Variants in CHAC2 observed in about 807,000 individuals in gnomAD.
CHAC2 encodes the protein ChaC glutathione specific gamma-glutamylcyclotransferase 2.
Under a neutral mutation model 16.9 loss-of-function variants are expected in CHAC2, and 20 were observed. That is an observed-to-expected ratio of 1.18 (90% CI 0.83 to 1.72). CHAC2 has a LOEUF of 1.72. Ranked by LOEUF, CHAC2 falls within the 40% of genes most tolerant of loss-of-function variation. The probability of loss-of-function intolerance (pLI) is 0.00; values close to 1 mark genes in which losing one functional copy is unlikely to be tolerated. For synonymous variants in CHAC2, 91 were observed against 77.3 expected (o/e 1.18, Z -0.93); for missense variants, 269 against 222.2 (o/e 1.21, Z -1.34).
At chr2:53,771,975 T>C in intron 2 of CHAC2, 33 bp downstream of exon 2, 1 of 1,201,434 alleles carries the variant, frequency 8.3e-7, no homozygotes, top group Non-Finnish European at 1.2e-6. Flanking sequence ...TGTATAATTT[T>C]AATTTTATAA....
In CHAC2 at chr2:53,774,149, T is replaced by C; in HGVS notation, c.179T>C (p.Val60Ala). The change falls in exon 3 of 3, where the codon GTA becomes GCA. Residue 60 changes from valine (V) to alanine (A), a missense_variant. Transcript: ENST00000295304. Reference protein sequence around the residue: ...VTLVEDPAGCVWGVAYRLPVG... With the variant: ...VTLVEDPAGCAWGVAYRLPVG... Reference sequence around the variant, plus strand: ...CTTTTCATTTTTCAACAGGGATGTGTATGGGGTGTTGCTTACAGATTGCCA... The same window carrying C: ...CTTTTCATTTTTCAACAGGGATGTGCATGGGGTGTTGCTTACAGATTGCCA... 1 of 1,603,716 alleles carries C rather than the reference T, an allele frequency of 6.2e-7. No individual in the cohort carries two copies. Among genetic ancestry groups the C allele is most frequent in the Non-Finnish European group, 8.5e-7 (1 of 1,175,974 alleles).
chr2:53,773,292 AT>A (rs1319312066), intron 2 of CHAC2, among the ~76,000 whole-genome samples: 4 of 150,314 alleles, frequency 2.7e-5, no homozygotes, highest in South Asian at 2.1e-4. Flanking sequence ...TTAAAAAAAA[AT>A]TTTTTTAAGA....
chr2:53,771,810 A>G (rs1673932359), intron 1 of CHAC2, 97 bp from the exon 2 acceptor site: 1 of 757,426 alleles, frequency 1.3e-6, no homozygotes, highest in South Asian at 1.5e-5. Context: ...ATGAGCAAAT[A>G]TAATTCAAAT....
intron 1 of CHAC2, among the ~76,000 whole-genome samples, chr2:53,769,800 C>T (rs1218730294): frequency 6.6e-6 from 1 of 152,178 alleles, no homozygotes; most frequent in Non-Finnish European, 1.5e-5. Flanking sequence ...TGAGATTGCG[C>T]CACTGCACTC....
At position 53,774,204 on chromosome 2, in the gene CHAC2, C is replaced by A. The variant is rs748112762; in HGVS notation, c.234C>A (p.Tyr78Ter). 4.3e-6 allele frequency: 7 copies of A among 1,613,846 alleles called. No individual in the cohort carries two copies. Among genetic ancestry groups the A allele is most frequent in the Admixed American group, 1.7e-5 (1 of 59,970 alleles). ...GAAAGGAAGAAGAAGTAAAAGCATA[C>A]CTTGACTTCAGAGAAAAAGGAGGCT... Reference protein sequence around the residue: ...PVGKEEEVKAYLDFREKGGYR... With the variant: ...PVGKEEEVKA The change falls in exon 3 of 3, where the codon TAC becomes TAA. Residue 78 changes from tyrosine to a stop codon, truncating the protein, a stop_gained. Coordinates refer to ENST00000295304, the MANE Select transcript of CHAC2 (RefSeq NM_001008708.4). LOFTEE classifies it high-confidence loss of function.
At chr2:53,773,480 G>T (rs1395641771) in intron 2 of CHAC2, among the ~76,000 whole-genome samples, 2 of 152,034 alleles carry the variant, frequency 1.3e-5, no homozygotes, top group African/African-American at 4.8e-5. Context: ...ACCCAGGCTT[G>T]AGTTCAGTGG....
At position 53,767,837 on chromosome 2, in the gene CHAC2, G is replaced by A. The variant is rs374912087; in HGVS notation, c.-50G>A. On this transcript the variant is annotated 5_prime_UTR_variant, in exon 1 of 3. Transcript: ENST00000295304. ...ACCGGAGGCTTCAGTCCCCGGCGGC[G>A]CGGCGACAGCTAGGGTTCACGGCCA... 6 of 1,559,488 alleles carry A rather than the reference G, an allele frequency of 3.8e-6. No homozygotes were observed. The highest frequency in any genetic ancestry group is 4.3e-6 in the Non-Finnish European group (5 of 1,149,626).
chr2:53,774,304 A>C lies in CHAC2; in HGVS notation c.334A>C (p.Thr112Pro), dbSNP rs748818573. The change falls in exon 3 of 3, where the codon ACA (threonine) becomes CCA (proline). Residue 112 changes from threonine (T) to proline (P), a missense_variant. Coordinates refer to ENST00000295304, the MANE Select transcript of CHAC2 (RefSeq NM_001008708.4). Reference protein sequence around the residue: ...KPFSVLLYIGTCDNPDYLGPA... With the variant: ...KPFSVLLYIGPCDNPDYLGPA... Reference sequence around the variant, plus strand: ...ATTCAGTGTATTGCTATATATTGGAACATGTGATAATCCTGATTATCTTGG... The same window carrying C: ...ATTCAGTGTATTGCTATATATTGGACCATGTGATAATCCTGATTATCTTGG... 5.6e-5 allele frequency: 91 copies of C among 1,613,902 alleles called. No individual in the cohort carries two copies. The highest frequency in any genetic ancestry group is 6.7e-5 in the Non-Finnish European group (79 of 1,179,992).
In CHAC2 at chr2:53,774,508, A is replaced by C. The variant is rs149485270; in HGVS notation, c.538A>C (p.Asn180His). ...AAAGGAACGTTTAGAAGGGAAACAG[A>C]ACCTCAATTGCATATAATTTAGTCT... ...LVKERLEGKQNLNCI is the reference protein window; with the variant it reads ...LVKERLEGKQHLNCI Residue 180 changes from asparagine to histidine, a missense_variant, in exon 3 of 3, where the codon AAC becomes CAC. Asn to His is a moderately conservative substitution (Grantham distance 68). Coordinates refer to ENST00000295304, the MANE Select transcript of CHAC2 (RefSeq NM_001008708.4). 9.0e-6 allele frequency: 14 copies of C among 1,552,096 alleles called. No individual in the cohort carries two copies. Among genetic ancestry groups the C allele is most frequent in the Non-Finnish European group, 1.2e-5 (14 of 1,154,638 alleles).
At chr2:53,768,129 C>T in intron 1 of CHAC2, 108 bp downstream of exon 1, 1 of 1,284,080 alleles carries the variant, frequency 7.8e-7, no homozygotes. Flanking sequence ...CTTCATGGGG[C>T]CAAAGCACAT....
Position 53,774,516 on chromosome 2 carries a change from T to A in CHAC2, c.546T>A (p.Asn182Lys), listed in dbSNP as rs371086113. 2 of 1,536,202 alleles carry A rather than the reference T, an allele frequency of 1.3e-6. No individual in the cohort carries two copies. The highest frequency in any genetic ancestry group is 1.3e-5 in the South Asian group (1 of 76,208). ...KERLEGKQNL[N>K]CI ...GTTTAGAAGGGAAACAGAACCTCAATTGCATATAATTTAGTCTTCAGAGAA... is the reference window on the plus strand; with the variant it reads ...GTTTAGAAGGGAAACAGAACCTCAAATGCATATAATTTAGTCTTCAGAGAA... The change falls in exon 3 of 3, where the codon AAT becomes AAA. Residue 182 changes from asparagine (N) to lysine (K), a missense_variant. Transcript: ENST00000295304.
Position 53,771,935 on chromosome 2 carries a change from A to AG in CHAC2, c.164_165insG (p.Asp55GlufsTer26), listed in dbSNP as rs1476261807. The AG allele has an allele frequency of 2.6e-6, 4 of 1,549,160 alleles. No homozygotes were observed. In the African/African-American group the frequency reaches 5.5e-5, roughly 21 times the overall value. On this transcript the variant is annotated frameshift_variant, in exon 2 of 3. Transcript: ENST00000295304. LOFTEE classifies it high-confidence loss of function. Reference sequence around the variant, plus strand: ...GGAAGAGTTGTGACTCTTGTTGAAGATCCTGCGGTATGGTATAAATATTCT... The same window carrying AG: ...GGAAGAGTTGTGACTCTTGTTGAAGAGTCCTGCGGTATGGTATAAATATTCT...
chr2:53,768,009 G>C lies in CHAC2; in HGVS notation c.123G>C (p.Gly41=), dbSNP rs577589136. ...RFWQGSTDHR[G]VPGKPGRVVT... is the part of the protein sequence containing the mutation. ...GGCAGGGCAGCACGGACCACCGCGG[G>C]GTCCCCGGCAAGGTGAGGCGCCGGT... The change falls in exon 1 of 3, where the codon GGG becomes GGC. Residue 41 remains glycine, a synonymous_variant. Coordinates refer to ENST00000295304, the MANE Select transcript of CHAC2 (RefSeq NM_001008708.4). 1.2e-6 allele frequency: 2 copies of C among 1,613,560 alleles called. No homozygotes were observed. Among genetic ancestry groups the C allele is most frequent in the South Asian group, 2.2e-5 (2 of 91,074 alleles).
rs1674241977 is a variant in CHAC2 at position 53,775,146 on chromosome 2, G to T, written c.*621G>T. The T allele has an allele frequency of 6.6e-6, 1 of 152,390 alleles. No homozygotes were observed. The allele number at this position is 152,390 out of a possible 1,614,324, so 9.4% of individuals were successfully genotyped here. A position where few individuals can be genotyped will look rare whatever the true frequency, so the allele number is the denominator to read the frequency against. On this transcript the variant is annotated 3_prime_UTR_variant, in exon 3 of 3. Coordinates refer to ENST00000295304, the MANE Select transcript of CHAC2 (RefSeq NM_001008708.4). ...TTAAATAAAGGCATTTTACTATATG[G>T]AAAATAACTCACTAAAGCATAAATT... is the stretch of plus-strand genomic sequence containing the variant.
At chr2:53,772,631 G>C (rs576104213) in intron 2 of CHAC2, among the ~76,000 whole-genome samples, 2 of 151,628 alleles carry the variant, frequency 1.3e-5, no homozygotes, top group Non-Finnish European at 2.9e-5. Flanking sequence ...ATTTTCAGCA[G>C]AAATCTAAGT....
intron 1 of CHAC2, among the ~76,000 whole-genome samples, chr2:53,770,498 TAAAAA>T (rs76201682): frequency 4.6e-4 from 51 of 110,534 alleles, no homozygotes; most frequent in South Asian, 1.5e-3. Context: ...GAAGTTTATT[TAAAAA>T]AAAAAAAAAA....
intron 2 of CHAC2, among the ~76,000 whole-genome samples, chr2:53,773,075 G>A (rs1029128781): frequency 6.6e-6 from 1 of 152,064 alleles, no homozygotes; most frequent in Non-Finnish European, 1.5e-5. Flanking sequence ...GTTAGTAATG[G>A]CAGATAAATA....
At position 53,772,040 on chromosome 2, in the gene CHAC2, A is replaced by C. The variant is rs138751271; in HGVS notation, c.171+98A>C. On this transcript the variant is annotated intron_variant, in intron 2 of 2. Coordinates refer to ENST00000295304, the MANE Select transcript of CHAC2 (RefSeq NM_001008708.4). Reference sequence around the variant, plus strand: ...TTAACAATCATCACAGACAATTTGAACTACCCTAAATTTAGAATTCTTCTC... The same window carrying C: ...TTAACAATCATCACAGACAATTTGACCTACCCTAAATTTAGAATTCTTCTC... 431 of 723,244 alleles carry C rather than the reference A, an allele frequency of 6.0e-4. 2 individuals are homozygous for C. The East Asian group carries it at 0.01, about 17-fold the overall frequency. 44.8% of individuals were successfully genotyped at this position (723,244 alleles called of 1,614,324 possible). A position where few individuals can be genotyped will look rare whatever the true frequency, so the allele number is the denominator to read the frequency against.
chr2:53,774,523 T>A lies in CHAC2; in HGVS notation c.553T>A (p.Ter185LysextTer12). Residue 185 changes from the stop codon to lysine (K), a stop_lost, in exon 3 of 3, where the codon TAA (stop) becomes AAA (lysine). Transcript: ENST00000295304. Reference sequence around the variant, plus strand: ...AGGGAAACAGAACCTCAATTGCATATAATTTAGTCTTCAGAGAATTAACTT... The same window carrying A: ...AGGGAAACAGAACCTCAATTGCATAAAATTTAGTCTTCAGAGAATTAACTT... ...LEGKQNLNCI[*>K] is the part of the protein sequence containing the mutation. 1 of 1,527,976 alleles carries A rather than the reference T, an allele frequency of 6.5e-7. No homozygotes were observed. The highest frequency in any genetic ancestry group is 8.7e-7 in the Non-Finnish European group (1 of 1,143,238). The allele number at this position is 1,527,976 out of a possible 1,614,324, so 94.7% of individuals were successfully genotyped here. A position where few individuals can be genotyped will look rare whatever the true frequency, so the allele number is the denominator to read the frequency against.
Sources: gnomAD v4.1 joint callset for allele counts (sites outside exome capture counted in the v4.1 genomes callset) on GRCh38, gnomAD v4.1.1 for gene constraint, MANE v1.5 for transcripts, NCBI Gene and HGNC (gene_info 2026-07-23, HGNC 2026-07-21) for gene names.